Variants in HHAT observed in about 807,000 individuals in gnomAD.
The protein encoded by HHAT is protein-cysteine N-palmitoyltransferase HHAT.
HHAT carries 47 observed loss-of-function variants against 70.8 expected under a neutral mutation model. That is an observed-to-expected ratio of 0.66 (90% confidence interval 0.53 to 0.85). The LOEUF (loss-of-function observed/expected upper bound fraction) is 0.85, where lower values mean the gene tolerates loss of function less well. HHAT is among the 40% of genes least tolerant of loss of function. The probability of loss-of-function intolerance (pLI) is 0.00; values close to 1 mark genes in which losing one functional copy is unlikely to be tolerated. For missense variants in HHAT, 609 were observed against 604.8 expected (o/e 1.01, Z -0.07); for synonymous variants, 228 against 247.6 (o/e 0.92, Z 0.74).
chr1:210,572,736 A>G (rs1656629466), intron 9 of HHAT, among the ~76,000 whole-genome samples: 1 of 151,994 alleles, frequency 6.6e-6, no homozygotes, highest in African/African-American at 2.4e-5. Context: ...TCTAAAATAT[A>G]TAAAAAAAAA....
At chr1:210,545,022 C>A (rs1228746909) in intron 9 of HHAT, among the ~76,000 whole-genome samples, 1 of 151,952 alleles carries the variant, frequency 6.6e-6, no homozygotes, top group Non-Finnish European at 1.5e-5. Flanking sequence ...CCCATCTAGT[C>A]AACATCCACA....
chr1:210,435,445 T>C (rs1010511679), intron 7 of HHAT, among the ~76,000 whole-genome samples: 2 of 151,916 alleles, frequency 1.3e-5, no homozygotes, highest in Non-Finnish European at 2.9e-5. Context: ...AGTACAGATA[T>C]TGCTTTGACA....
chr1:210,667,883 A>G lies in HHAT; in HGVS notation c.1391-6405A>G, dbSNP rs562937810. On this transcript the variant is annotated intron_variant, in intron 11 of 11. Coordinates refer to ENST00000261458, the MANE Select transcript of HHAT (RefSeq NM_018194.6). ...TTTTTAGGTGGCATTAAGTACATTC[A>G]TATTGTTATGCAGTCATCACCATCC... Among the ~76,000 whole-genome samples the G allele has an allele frequency of 3.3e-5, 5 of 152,320 alleles. No individual in the cohort carries two copies. In the South Asian group the frequency reaches 1.0e-3, roughly 32 times the overall value.
At chr1:210,376,193 T>C (rs1438772222) in intron 3 of HHAT, among the ~76,000 whole-genome samples, 1 of 152,114 alleles carries the variant, frequency 6.6e-6, no homozygotes, top group Non-Finnish European at 1.5e-5. Flanking sequence ...TAATCTACTT[T>C]TGCTATTAAG....
chr1:210,381,714 C>G (rs73071956), intron 3 of HHAT, among the ~76,000 whole-genome samples: 2,860 of 152,300 alleles, frequency 0.019, 85 homozygotes, highest in African/African-American at 0.066. Context: ...CCTGACCCAT[C>G]TCACTAGGAG....
chr1:210,492,296 C>T (rs1284570077), intron 8 of HHAT, among the ~76,000 whole-genome samples: 2 of 152,152 alleles, frequency 1.3e-5, no homozygotes, highest in Non-Finnish European at 2.9e-5. Context: ...TGATACAGCA[C>T]AATAATGGTC....
intron 9 of HHAT, among the ~76,000 whole-genome samples, chr1:210,585,881 G>A (rs1660328258): frequency 6.6e-6 from 1 of 152,200 alleles, no homozygotes; most frequent in African/African-American, 2.4e-5. Context: ...AGGGTGATCA[G>A]ACACCAAGAG....
intron 3 of HHAT, among the ~76,000 whole-genome samples, chr1:210,385,140 T>TA (rs1359773797): frequency 6.6e-6 from 1 of 152,002 alleles, no homozygotes; most frequent in African/African-American, 2.4e-5. Context: ...TTTTCCACCC[T>TA]AAAAAATTAA....
At chr1:210,661,626 C>G (rs1677739569) in intron 11 of HHAT, among the ~76,000 whole-genome samples, 1 of 152,170 alleles carries the variant, frequency 6.6e-6, no homozygotes, top group Non-Finnish European at 1.5e-5. Context: ...GAACTATTCA[C>G]AATAGCAAAA....
chr1:210,540,481 GCA>G (rs1291380055), intron 9 of HHAT, among the ~76,000 whole-genome samples: 14 of 97,028 alleles, frequency 1.4e-4, no homozygotes, highest in East Asian at 4.2e-4. Context: ...GCACACACAT[GCA>G]CACACACGCA....
At chr1:210,441,400 A>G (rs1016567135) in intron 7 of HHAT, among the ~76,000 whole-genome samples, 3 of 152,204 alleles carry the variant, frequency 2.0e-5, no homozygotes, top group African/African-American at 4.8e-5. Flanking sequence ...CTGAATGTCA[A>G]GTGTCTTTGC....
intron 7 of HHAT, among the ~76,000 whole-genome samples, chr1:210,450,445 T>C (rs1320243373): frequency 2.0e-5 from 3 of 152,172 alleles, no homozygotes; most frequent in African/African-American, 7.2e-5. Flanking sequence ...GAAGATGTTC[T>C]GAGTGCAACT....
At position 210,333,232 on chromosome 1, in the gene HHAT, C is replaced by A. The variant is rs529071286; in HGVS notation, c.-44+4128C>A. ...GCAAGCAATTGATTTATTATGGTCTCTGTGTAGTCAAACCTCCCTCTTAAT... is the reference window on the plus strand; with the variant it reads ...GCAAGCAATTGATTTATTATGGTCTATGTGTAGTCAAACCTCCCTCTTAAT... On this transcript the variant is annotated intron_variant, in intron 1 of 11. Coordinates refer to ENST00000261458, the MANE Select transcript of HHAT (RefSeq NM_018194.6). Among the ~76,000 whole-genome samples the A allele has an allele frequency of 1.1e-4, 17 of 152,246 alleles. No homozygotes were observed. The South Asian group carries it at 3.5e-3, about 32-fold the overall frequency.
Position 210,588,029 on chromosome 1 carries a change from A to G in HHAT, c.1175A>G (p.Asn392Ser), listed in dbSNP as rs145501609. The G allele has an allele frequency of 1.1e-5, 18 of 1,613,846 alleles. No individual in the cohort carries two copies. Among genetic ancestry groups the G allele is most frequent in the African/African-American group, 6.7e-5 (5 of 74,930 alleles). Residue 392 changes from asparagine to serine, a missense_variant, in exon 10 of 12, where the codon AAC (asparagine) becomes AGC (serine). Physicochemically the swap from Asn to Ser is conservative, Grantham distance 46 (BLOSUM62 1). Coordinates refer to ENST00000261458, the MANE Select transcript of HHAT (RefSeq NM_018194.6). ...TACCTCTGGTGCTGGGCAGCGCTCA[A>G]CTGGCTGGGAGTCACTGTGGAGAAT... ...YDYLWCWAAL[N>S]WLGVTVENGV...
chr1:210,395,673 A>G (rs2091741085), intron 4 of HHAT, among the ~76,000 whole-genome samples: 1 of 152,224 alleles, frequency 6.6e-6, no homozygotes, highest in South Asian at 2.1e-4. Flanking sequence ...TACCTACATT[A>G]GCAAAACAGC....
chr1:210,584,749 CT>C (rs1660055675), intron 9 of HHAT, among the ~76,000 whole-genome samples: 1 of 152,234 alleles, frequency 6.6e-6, no homozygotes, highest in South Asian at 2.1e-4. Flanking sequence ...TCACACCCTT[CT>C]CCCCTGCACT....
chr1:210,579,050 GA>G, intron 9 of HHAT, among the ~76,000 whole-genome samples: 1 of 152,150 alleles, frequency 6.6e-6, no homozygotes, highest in East Asian at 1.9e-4. Flanking sequence ...AGCAGAAACG[GA>G]AAACCACACA....
rs1354462659 is a variant in HHAT at position 210,588,050 on chromosome 1, A to G, written c.1196A>G (p.Glu399Gly). The G allele has an allele frequency of 6.2e-7, 1 of 1,613,504 alleles. No individual in the cohort carries two copies. Among genetic ancestry groups the G allele is most frequent in the Admixed American group, 1.7e-5 (1 of 59,978 alleles). Residue 399 changes from glutamate to glycine, a missense_variant, in exon 10 of 12, where the codon GAG becomes GGG. Coordinates refer to ENST00000261458, the MANE Select transcript of HHAT (RefSeq NM_018194.6). ...AALNWLGVTV[E>G]NGVRRLVETP... ...CTCAACTGGCTGGGAGTCACTGTGG[A>G]GAATGGAGTCCGGAGGCTGGTGGAG...
rs371790765 is a variant in HHAT at position 210,623,557 on chromosome 1, G to T, written c.1277G>T (p.Arg426Leu). The T allele has an allele frequency of 1.2e-6, 2 of 1,613,930 alleles. No homozygotes were observed. The highest frequency in any genetic ancestry group is 1.7e-6 in the Non-Finnish European group (2 of 1,179,976). ...ARYFSPQARR[R>L]FHAALASCST... ...TACTTCTCCCCACAAGCTCGCCGTC[G>T]ATTCCACGCTGCCCTTGCTTCTTGT... The change falls in exon 11 of 12, where the codon CGA (arginine) becomes CTA (leucine). Residue 426 changes from arginine (R) to leucine (L), a missense_variant. Physicochemically the swap from Arg to Leu is moderately radical, Grantham distance 102. Coordinates refer to ENST00000261458, the MANE Select transcript of HHAT (RefSeq NM_018194.6).
Sources: gnomAD v4.1 joint callset for allele counts (sites outside exome capture counted in the v4.1 genomes callset) on GRCh38, gnomAD v4.1.1 for gene constraint, MANE v1.5 for transcripts, NCBI Gene and HGNC (gene_info 2026-07-23, HGNC 2026-07-21) for gene names.